Variants in SNX4 observed in about 807,000 individuals in gnomAD.
SNX4 encodes sorting nexin 4.
In SNX4, 49 loss-of-function variants were observed where a neutral mutation model predicts 70.8. That is an observed-to-expected ratio of 0.69 (90% CI 0.55 to 0.88). SNX4 has a LOEUF of 0.88. Ranked by LOEUF, SNX4 falls within the 40% of genes least tolerant of loss-of-function variation. The probability of loss-of-function intolerance (pLI) is 0.00; values close to 1 mark genes in which losing one functional copy is unlikely to be tolerated. For missense variants in SNX4, 528 were observed against 544.8 expected (o/e 0.97, Z 0.31); for synonymous variants, 206 against 183.8 (o/e 1.12, Z -0.98).
intron 12 of SNX4, among the ~76,000 whole-genome samples, chr3:125,452,447 G>A (rs2107839296): frequency 6.6e-6 from 1 of 152,098 alleles, no homozygotes; most frequent in Admixed American, 6.5e-5. Flanking sequence ...TTTTAGCCAG[G>A]CTTGGTAGCC....
chr3:125,453,799 A>G lies in SNX4; in HGVS notation c.1190+11T>C. The G allele has an allele frequency of 2.5e-6, 4 of 1,613,176 alleles. No homozygotes were observed. The highest frequency in any genetic ancestry group is 3.4e-6 in the Non-Finnish European group (4 of 1,179,510). On this transcript the variant is annotated intron_variant, in intron 12 of 13. Transcript: ENST00000251775. The stretch of plus-strand genomic sequence containing the variant: ...CAAGCCTAGCTTACTTAAACATCGC[A>G]GCATCTTTACCTGCCTTCCAGATTT...
intron 6 of SNX4, among the ~76,000 whole-genome samples, chr3:125,487,255 A>T (rs751697239): frequency 1.8e-4 from 28 of 152,204 alleles, no homozygotes; most frequent in Non-Finnish European, 3.8e-4. Context: ...AATTTAAGAC[A>T]AACAAATCCT....
chr3:125,457,248 CAAAAGGA>C lies in SNX4; in HGVS notation c.1044+11_1044+17del. The C allele has an allele frequency of 6.3e-7, 1 of 1,589,832 alleles. No homozygotes were observed. The highest frequency in any genetic ancestry group is 8.6e-7 in the Non-Finnish European group (1 of 1,158,054). On this transcript the variant is annotated intron_variant, in intron 11 of 13. Transcript: ENST00000251775. ...GTGTTGCTACAGTATCATCAGAGGC[CAAAAGGA>C]AAATACTCACCCCAGTTACCAGTTC...
At chr3:125,496,107 TAGTG>T (rs1934788441) in intron 5 of SNX4, among the ~76,000 whole-genome samples, 1 of 152,050 alleles carries the variant, frequency 6.6e-6, no homozygotes, top group Non-Finnish European at 1.5e-5. Flanking sequence ...CTGGGCAACA[TAGTG>T]AGACCTCATC....
Position 125,453,909 on chromosome 3 carries a change from C to T in SNX4, c.1091G>A (p.Gly364Asp). 1 of 1,613,928 alleles carries T rather than the reference C, an allele frequency of 6.2e-7. No homozygotes were observed. Among genetic ancestry groups the T allele is most frequent in the African/African-American group, 1.3e-5 (1 of 74,996 alleles). ...SLKGMTTKLFGQETPEQREAR... is the reference protein window; with the variant it reads ...SLKGMTTKLFDQETPEQREAR... The stretch of plus-strand genomic sequence containing the variant: ...TTCTCTCTGCTCTGGAGTTTCTTGA[C>T]CAAAGAGCTTGGTAGTCATTCCCTT... The change falls in exon 12 of 14, where the codon GGT becomes GAT. Residue 364 changes from glycine (G) to aspartate (D), a missense_variant. Gly to Asp is a moderately conservative substitution (Grantham distance 94). This residue lies in a region of SNX4 where 159 missense variants were observed against 172.6 expected (regional missense o/e 0.92). Transcript: ENST00000251775.
rs554626860 is a variant in SNX4 at position 125,484,217 on chromosome 3, G to C, written c.654-3898C>G. Among the ~76,000 whole-genome samples, 4 of 152,270 alleles carry C rather than the reference G, an allele frequency of 2.6e-5. No homozygotes were observed. In the South Asian group the frequency reaches 8.3e-4, roughly 32 times the overall value. On this transcript the variant is annotated intron_variant, in intron 6 of 13. Coordinates refer to ENST00000251775, the MANE Select transcript of SNX4 (RefSeq NM_003794.4). ...AGCCATATTTTCTATTCTCCTCAAA[G>C]TACACCTATTGCCATTACAGGCTTT...
At chr3:125,505,281 G>C (rs1935023021) in intron 1 of SNX4, among the ~76,000 whole-genome samples, 1 of 152,194 alleles carries the variant, frequency 6.6e-6, no homozygotes, top group Admixed American at 6.5e-5. Flanking sequence ...TCCAGAGGTA[G>C]TTTAAAAGGT....
chr3:125,514,211 TATAAC>T (rs1249353993), intron 1 of SNX4, among the ~76,000 whole-genome samples: 1 of 152,106 alleles, frequency 6.6e-6, no homozygotes, highest in Non-Finnish European at 1.5e-5. Context: ...AAAATAGGGT[TATAAC>T]ATATGACCAG....
At chr3:125,506,819 A>T (rs1355875050) in intron 1 of SNX4, among the ~76,000 whole-genome samples, 2 of 35,026 alleles carry the variant, frequency 5.7e-5, no homozygotes, top group East Asian at 1.0e-3. Flanking sequence ...GGAGAAAGTA[A>T]AAAAAAAAAA....
At chr3:125,495,466 A>G (rs1299594660) in intron 5 of SNX4, among the ~76,000 whole-genome samples, 1 of 151,216 alleles carries the variant, frequency 6.6e-6, no homozygotes, top group Non-Finnish European at 1.5e-5. Flanking sequence ...CTCTCCATCA[A>G]TTTTATTTCT....
At chr3:125,480,187 G>T in intron 7 of SNX4, 60 bp downstream of exon 7, 1 of 1,041,366 alleles carries the variant, frequency 9.6e-7, no homozygotes, top group South Asian at 1.8e-5. Context: ...AAAACAGAAT[G>T]ATTACATGAG....
In SNX4 at chr3:125,480,292, A is replaced by C; in HGVS notation, c.681T>G (p.Ser227Arg). 8 of 1,566,566 alleles carry C rather than the reference A, an allele frequency of 5.1e-6. No individual in the cohort carries two copies. The highest frequency in any genetic ancestry group is 6.9e-6 in the Non-Finnish European group (8 of 1,153,126). Reference protein sequence around the residue: ...DKRFTDLKHYSDELQSVISHL... With the variant: ...DKRFTDLKHYRDELQSVISHL... ...GTGAGATGACAGACTGCAGTTCATC[A>C]CTATAGTGCTTAAGGTCAGTAAATC... Residue 227 changes from serine (S) to arginine (R), a missense_variant, in exon 7 of 14, where the codon AGT (serine) becomes AGG (arginine). Transcript: ENST00000251775.
chr3:125,478,060 CTTA>C (rs762057749), intron 7 of SNX4, among the ~76,000 whole-genome samples: 4 of 149,114 alleles, frequency 2.7e-5, no homozygotes, highest in African/African-American at 5.0e-5. Flanking sequence ...TCTTCTTCTT[CTTA>C]TTATTATTAC....
intron 9 of SNX4, among the ~76,000 whole-genome samples, chr3:125,463,200 A>C (rs1298814937): frequency 6.6e-6 from 1 of 152,232 alleles, no homozygotes; most frequent in Non-Finnish European, 1.5e-5. Flanking sequence ...TAAGCAGTGA[A>C]CATATACATT....
intron 6 of SNX4, among the ~76,000 whole-genome samples, chr3:125,481,373 C>T (rs1934405578): frequency 6.6e-6 from 1 of 151,908 alleles, no homozygotes; most frequent in Non-Finnish European, 1.5e-5. Context: ...ACTCCTGAAG[C>T]TTCTTTTGTA....
intron 9 of SNX4, among the ~76,000 whole-genome samples, chr3:125,468,638 G>T (rs1351224592): frequency 6.6e-6 from 1 of 152,124 alleles, no homozygotes; most frequent in Non-Finnish European, 1.5e-5. Flanking sequence ...TTAAGGCCAG[G>T]AGTCCAAGAT....
intron 11 of SNX4, 47 bp from the exon 12 acceptor site, chr3:125,454,002 A>G: frequency 3.4e-6 from 5 of 1,459,234 alleles, no homozygotes; most frequent in Non-Finnish European, 4.8e-6. Context: ...AATGCGGCAT[A>G]CACATACACA....
intron 9 of SNX4, among the ~76,000 whole-genome samples, chr3:125,462,814 GC>G (rs1260386862): frequency 1.3e-5 from 2 of 152,152 alleles, no homozygotes; most frequent in Admixed American, 1.3e-4. Flanking sequence ...TTGGAGGTTA[GC>G]CCAGGAGGGT....
At chr3:125,474,877 T>C (rs78709257) in intron 8 of SNX4, among the ~76,000 whole-genome samples, 7,320 of 152,236 alleles carry the variant, frequency 0.048, 417 homozygotes, top group African/African-American at 0.13. Context: ...ATAATTTTTG[T>C]TTTTAAATAA....
Sources: gnomAD v4.1 joint callset for allele counts (sites outside exome capture counted in the v4.1 genomes callset) on GRCh38, gnomAD v4.1.1 for gene constraint, gnomAD v4.1.1 regional missense constraint, MANE v1.5 for transcripts, NCBI Gene and HGNC (gene_info 2026-07-23, HGNC 2026-07-21) for gene names.